Variants in C1orf159 observed in about 807,000 individuals in gnomAD.
C1orf159 encodes the protein chromosome 1 open reading frame 159, also known as uncharacterized protein C1orf159.
C1orf159 carries 19 observed loss-of-function variants against 25.6 expected under a neutral mutation model. That is an observed-to-expected ratio of 0.74 (90% CI 0.52 to 1.09). The LOEUF is 1.09. C1orf159 is among the 50% of genes least tolerant of loss of function. The pLI is 0.00. For missense variants in C1orf159, 274 were observed against 290.6 expected (o/e 0.94, Z 0.42); for synonymous variants, 139 against 124.7 (o/e 1.12, Z -0.77).
chr1:1,109,611 C>G (rs1270327148), intron 1 of C1orf159, among the ~76,000 whole-genome samples: 4 of 151,924 alleles, frequency 2.6e-5, no homozygotes, highest in Non-Finnish European at 1.5e-5. Flanking sequence ...GGACTACATG[C>G]CTGCCACCAT....
At chr1:1,106,351 A>T (rs1248527052) in intron 1 of C1orf159, among the ~76,000 whole-genome samples, 1 of 152,268 alleles carries the variant, frequency 6.6e-6, no homozygotes, top group East Asian at 1.9e-4. Context: ...CTATTACCAA[A>T]AAAACAGAAA....
In C1orf159 at chr1:1,085,947, A is replaced by G. The variant is rs1269237483; in HGVS notation, c.376T>C (p.Ser126Pro). Reference protein sequence around the residue: ...TFFISSGLILSVAGFFYLKRS... With the variant: ...TFFISSGLILPVAGFFYLKRS... ...TTGAGGTAGAAGAACCCAGCTACGG[A>G]GAGGATGAGGCCGGAGCTAATGAAG... is the stretch of plus-strand genomic sequence containing the variant. Residue 126 changes from serine to proline, a missense_variant, in exon 7 of 10, where the codon TCC (serine) becomes CCC (proline). Ser to Pro is a moderately conservative substitution (Grantham distance 74). Transcript: ENST00000421241. 1 of 1,613,390 alleles carries G rather than the reference A, an allele frequency of 6.2e-7. No individual in the cohort carries two copies.
intron 1 of C1orf159, chr1:1,092,779 C>G: frequency 6.6e-6 from 1 of 152,500 alleles, no homozygotes; most frequent in Middle Eastern, 3.4e-3. Context: ...CACAAACTGA[C>G]CAGGCTGCCC....
At chr1:1,092,163 G>A (rs1645949461) in intron 1 of C1orf159, 60 bp from the exon 2 acceptor site, 1 of 355,350 alleles carries the variant, frequency 2.8e-6, no homozygotes, top group Admixed American at 3.6e-5. Flanking sequence ...GGTGGGCCGT[G>A]GCCTACGGTG....
intron 1 of C1orf159, among the ~76,000 whole-genome samples, 193 bp downstream of exon 1, chr1:1,115,867 G>C (rs1646333041): frequency 2.0e-5 from 3 of 149,964 alleles, no homozygotes; most frequent in African/African-American, 7.4e-5. Context: ...GCGGCGACGA[G>C]GACGCGGGCC....
At chr1:1,102,614 TAAAAAAAAAA>T (rs1170365187) in intron 1 of C1orf159, among the ~76,000 whole-genome samples, 78 of 34,126 alleles carry the variant, frequency 2.3e-3, no homozygotes, top group South Asian at 6.6e-3. Context: ...CTGTCTCTAC[TAAAAAAAAAA>T]AAAAAAAAAA....
chr1:1,085,099 C>T (rs1340591747), intron 7 of C1orf159, among the ~76,000 whole-genome samples: 2 of 152,298 alleles, frequency 1.3e-5, no homozygotes, highest in Middle Eastern at 3.4e-3. Context: ...TGCAGGAGAC[C>T]CTGGCAGCGG....
intron 1 of C1orf159, among the ~76,000 whole-genome samples, chr1:1,103,363 C>G (rs1052872943): frequency 6.6e-6 from 1 of 152,198 alleles, no homozygotes; most frequent in Non-Finnish European, 1.5e-5. Context: ...CTCACATTTT[C>G]CTGGCTCTTC....
chr1:1,090,875 C>T lies in C1orf159; in HGVS notation c.73-447G>A, dbSNP rs759922561. The T allele has an allele frequency of 1.3e-4, 198 of 1,549,234 alleles. 1 individual carries two copies. The highest frequency in any genetic ancestry group is 1.3e-4 in the Non-Finnish European group (151 of 1,146,022). ...CAGGTGCGCTGGGTGCTGGCACTTA[C>T]GGTGTGTGTGAGGGCCCATTCCCTG... On this transcript the variant is annotated intron_variant, in intron 3 of 9. Coordinates refer to ENST00000421241, the MANE Select transcript of C1orf159 (RefSeq NM_017891.5).
In C1orf159 at chr1:1,084,003, C is replaced by T. The variant is rs139896904; in HGVS notation, c.502+350G>A. On this transcript the variant is annotated intron_variant, in intron 9 of 9. Transcript: ENST00000421241. Reference sequence around the variant, plus strand: ...GGCGGAGGCCGGCTGCGTCTGTCCTCGGGTGGAGCTGGACTTCAAGGAGGA... The same window carrying T: ...GGCGGAGGCCGGCTGCGTCTGTCCTTGGGTGGAGCTGGACTTCAAGGAGGA... 6.9e-3 allele frequency: 11,062 copies of T among 1,605,066 alleles called. 53 individuals carry two copies. The highest frequency in any genetic ancestry group is 7.9e-3 in the Non-Finnish European group (9,261 of 1,176,398).
In C1orf159 at chr1:1,087,180, G is replaced by GGGAAT. The variant is rs1557747110; in HGVS notation, c.264_268dup (p.Pro90HisfsTer4). 6.2e-7 allele frequency: 1 copy of GGGAAT among 1,610,334 alleles called. No homozygotes were observed. Among genetic ancestry groups the GGGAAT allele is most frequent in the Admixed American group, 1.7e-5 (1 of 59,756 alleles). ...GGGGGTCCCTGAGCTTCTGTTCATGGGGAATGGCGCACCCGGGCCAGCAAC... is the reference window on the plus strand; with the variant it reads ...GGGGGTCCCTGAGCTTCTGTTCATGGGGAATGGAATGGCGCACCCGGGCCAGCAAC... On this transcript the variant is annotated frameshift_variant, in exon 6 of 10. Coordinates refer to ENST00000421241, the MANE Select transcript of C1orf159 (RefSeq NM_017891.5). LOFTEE classifies it high-confidence loss of function. This position sits in a 1 kb window ranked among gnomAD's most constrained non-coding sequence, Gnocchi z 8.3.
intron 1 of C1orf159, among the ~76,000 whole-genome samples, chr1:1,111,874 A>G (rs1342424012): frequency 6.6e-6 from 1 of 152,180 alleles, no homozygotes; most frequent in African/African-American, 2.4e-5. Flanking sequence ...AGGGCCCAAT[A>G]AGAACTGTCT....
In C1orf159 at chr1:1,089,134, G is replaced by A. The variant is rs903538476; in HGVS notation, c.148+1219C>T. On this transcript the variant is annotated intron_variant, in intron 4 of 9. Coordinates refer to ENST00000421241, the MANE Select transcript of C1orf159 (RefSeq NM_017891.5). The surrounding 1 kb of genome is among the most constrained non-coding windows in gnomAD (Gnocchi z 7.5). ...CTTGGGGCCGCACGCAGGGGGAAGC[G>A]TATCCAACACCGCAGGCCCGGCCCC... 2.6e-5 allele frequency among the ~76,000 whole-genome samples: 4 copies of A among 152,144 alleles called. No homozygotes were observed. The highest frequency in any genetic ancestry group is 2.1e-4 in the South Asian group (1 of 4,826).
At chr1:1,098,119 A>T (rs1646034624) in intron 1 of C1orf159, among the ~76,000 whole-genome samples, 1 of 151,498 alleles carries the variant, frequency 6.6e-6, no homozygotes, top group Non-Finnish European at 1.5e-5. Flanking sequence ...CCCAGGCTGG[A>T]GTGCAGTGGT....
intron 1 of C1orf159, among the ~76,000 whole-genome samples, chr1:1,094,427 T>C (rs1358328970): frequency 2.7e-5 from 4 of 150,900 alleles, no homozygotes; most frequent in Non-Finnish European, 5.9e-5. Context: ...TTTTTTGAAT[T>C]GGAGTCTCTG....
intron 1 of C1orf159, chr1:1,106,559 G>C (rs1421122454): frequency 1.3e-5 from 2 of 152,266 alleles, no homozygotes; most frequent in African/African-American, 4.8e-5. Flanking sequence ...GACTCCAAGA[G>C]ACATTTGTAC....
chr1:1,096,199 C>G (rs1052493407), intron 1 of C1orf159, among the ~76,000 whole-genome samples: 1 of 152,154 alleles, frequency 6.6e-6, no homozygotes, highest in Non-Finnish European at 1.5e-5. Context: ...AATAGGCCCT[C>G]CTTTTTTTAA....
At position 1,090,405 on chromosome 1, in the gene C1orf159, C is replaced by T. The variant is rs1248518691; in HGVS notation, c.96G>A (p.Val32=). Residue 32 remains valine, a synonymous_variant, in exon 4 of 10, where the codon GTG becomes GTA. Coordinates refer to ENST00000421241, the MANE Select transcript of C1orf159 (RefSeq NM_017891.5). ...ENTAQLPECC[V]DVVGVNASCP... is the part of the protein sequence containing the mutation. ...AGCTGGCGTTGACGCCCACCACATCCACACAGCACTCGGGCAGCTGGGCCT... is the reference window on the plus strand; with the variant it reads ...AGCTGGCGTTGACGCCCACCACATCTACACAGCACTCGGGCAGCTGGGCCT... The T allele has an allele frequency of 3.2e-6, 5 of 1,549,666 alleles. No homozygotes were observed. In the South Asian group the frequency reaches 4.8e-5, roughly 15 times the overall value.
intron 1 of C1orf159, among the ~76,000 whole-genome samples, chr1:1,097,416 T>C (rs1646023200): frequency 6.7e-6 from 1 of 150,342 alleles, no homozygotes; most frequent in Admixed American, 6.6e-5. Flanking sequence ...ATCTTTCTAT[T>C]TGTTTGTTTG....
Sources: allele counts gnomAD v4.1 joint callset (sites outside exome capture counted in the v4.1 genomes callset), GRCh38; gene constraint gnomAD v4.1.1; non-coding constraint Gnocchi (gnomAD v3.1); transcripts MANE v1.5; gene names NCBI Gene and HGNC (gene_info 2026-07-23, HGNC 2026-07-21).